Variants in IGSF21 observed in about 807,000 individuals in gnomAD.
IGSF21 encodes the protein immunoglobulin superfamily member 21.
A neutral mutation model predicts 46.8 loss-of-function variants in IGSF21; 28 were observed. The ratio of observed to expected loss-of-function variants is 0.60; its 90% confidence interval spans 0.44 to 0.82. The LOEUF is 0.82. IGSF21 is among the 40% of genes least tolerant of loss of function. The pLI, the probability that IGSF21 is intolerant of heterozygous loss-of-function variation, is 0.00. For synonymous variants in IGSF21, 284 were observed against 273.6 expected, an observed-to-expected ratio of 1.04 and a Z score of -0.38; for missense variants, 624 against 665.5, an observed-to-expected ratio of 0.94 and a Z score of 0.69.
chr1:18,320,076 C>G (rs2085586031), intron 3 of IGSF21, among the ~76,000 whole-genome samples: 1 of 152,198 alleles, frequency 6.6e-6, no homozygotes, highest in African/African-American at 2.4e-5. Context: ...GGGTACTGTG[C>G]TCAGTGTGAG....
At chr1:18,347,343 T>A (rs183328830) in intron 4 of IGSF21, among the ~76,000 whole-genome samples, 3 of 152,292 alleles carry the variant, frequency 2.0e-5, no homozygotes, top group Admixed American at 1.3e-4. Context: ...ACATGCCCAC[T>A]GTCCCACAGC....
chr1:18,253,925 G>A (rs1358880985), intron 2 of IGSF21, among the ~76,000 whole-genome samples: 1 of 152,188 alleles, frequency 6.6e-6, no homozygotes, highest in Non-Finnish European at 1.5e-5. Flanking sequence ...AAGAAAGTGG[G>A]GGCTTCTCAG....
At chr1:18,328,853 C>T (rs994249112) in intron 3 of IGSF21, among the ~76,000 whole-genome samples, 1 of 152,100 alleles carries the variant, frequency 6.6e-6, no homozygotes, top group South Asian at 2.1e-4. Context: ...AAGGCAAAAC[C>T]AGGAAAGGAA....
intron 1 of IGSF21, among the ~76,000 whole-genome samples, chr1:18,208,987 C>T (rs1297063582): frequency 6.6e-6 from 1 of 152,006 alleles, no homozygotes; most frequent in East Asian, 1.9e-4. Context: ...TATGGAGAAG[C>T]CAGCATAGAA....
chr1:18,369,436 A>C (rs1224898222), intron 6 of IGSF21, among the ~76,000 whole-genome samples: 1 of 152,180 alleles, frequency 6.6e-6, no homozygotes, highest in Non-Finnish European at 1.5e-5. Flanking sequence ...TCAGGTTTAG[A>C]GTAACCTTTC....
intron 4 of IGSF21, among the ~76,000 whole-genome samples, chr1:18,350,074 G>A (rs2085936009): frequency 6.6e-6 from 1 of 152,144 alleles, no homozygotes; most frequent in South Asian, 2.1e-4. Flanking sequence ...AGGAAGCAGT[G>A]GGTGGTGAGG....
intron 1 of IGSF21, among the ~76,000 whole-genome samples, chr1:18,122,269 G>A (rs1459093926): frequency 2.1e-5 from 3 of 141,672 alleles, no homozygotes; most frequent in South Asian, 4.4e-4. Flanking sequence ...GTGCAATCTC[G>A]GCTCACTGCA....
chr1:18,362,260 C>T, intron 5 of IGSF21, 30 bp downstream of exon 5: 1 of 1,504,918 alleles, frequency 6.6e-7, no homozygotes. Context: ...CCAGCTCCTT[C>T]CTATCTGCCG....
chr1:18,304,716 CACACACACACACAT>C (rs1294735748), intron 3 of IGSF21, among the ~76,000 whole-genome samples: 1 of 118,562 alleles, frequency 8.4e-6, no homozygotes, highest in African/African-American at 3.0e-5. Context: ...CATACACACA[CACACACACACACAT>C]ACACACACAC....
chr1:18,321,974 A>G (rs2085606722), intron 3 of IGSF21, among the ~76,000 whole-genome samples: 1 of 152,200 alleles, frequency 6.6e-6, no homozygotes, highest in Admixed American at 6.5e-5. Context: ...TGTGAAATTG[A>G]GTTTTACAGA....
At chr1:18,170,494 T>C (rs2086726185) in intron 1 of IGSF21, among the ~76,000 whole-genome samples, 1 of 151,596 alleles carries the variant, frequency 6.6e-6, no homozygotes, top group Non-Finnish European at 1.5e-5. Flanking sequence ...ATGCCTAATA[T>C]GTATTAAATG....
At chr1:18,132,765 A>G (rs1291984398) in intron 1 of IGSF21, among the ~76,000 whole-genome samples, 1 of 152,098 alleles carries the variant, frequency 6.6e-6, no homozygotes, top group Admixed American at 6.5e-5. Flanking sequence ...GCTGGGTTTA[A>G]CAGGGTCTGC....
At chr1:18,117,914 C>A (rs1232469544) in intron 1 of IGSF21, among the ~76,000 whole-genome samples, 4 of 152,188 alleles carry the variant, frequency 2.6e-5, no homozygotes, top group African/African-American at 9.6e-5. Flanking sequence ...ATGCACTGAG[C>A]ATGATGTGGG....
intron 1 of IGSF21, among the ~76,000 whole-genome samples, chr1:18,122,728 C>T (rs551879111): frequency 6.7e-6 from 1 of 149,494 alleles, no homozygotes; most frequent in South Asian, 2.2e-4. Flanking sequence ...TTAAGCAATT[C>T]TCCTGCTTCA....
chr1:18,199,055 C>A (rs1205601322), intron 1 of IGSF21, among the ~76,000 whole-genome samples: 3 of 152,088 alleles, frequency 2.0e-5, no homozygotes, highest in Non-Finnish European at 4.4e-5. Flanking sequence ...GACTGGGGTG[C>A]TTTGGTGCCC....
At chr1:18,366,664 C>T (rs1040194664) in intron 6 of IGSF21, among the ~76,000 whole-genome samples, 1 of 152,124 alleles carries the variant, frequency 6.6e-6, no homozygotes, top group African/African-American at 2.4e-5. Context: ...AAGGATATCA[C>T]TCCGGCTTAC....
chr1:18,340,924 T>G (rs2085826475), intron 4 of IGSF21, among the ~76,000 whole-genome samples: 1 of 151,992 alleles, frequency 6.6e-6, no homozygotes, highest in Admixed American at 6.6e-5. Flanking sequence ...TCCTTCTTTC[T>G]TCTTTCCTCC....
intron 1 of IGSF21, among the ~76,000 whole-genome samples, chr1:18,171,081 C>T (rs1254223850): frequency 6.6e-6 from 1 of 151,480 alleles, no homozygotes; most frequent in Admixed American, 6.6e-5. Flanking sequence ...GTGGAATGAG[C>T]TTGGAAGACA....
intron 1 of IGSF21, among the ~76,000 whole-genome samples, chr1:18,188,888 C>A (rs964267140): frequency 1.3e-5 from 2 of 152,228 alleles, no homozygotes; most frequent in African/African-American, 4.8e-5. Flanking sequence ...CTTTGGTTGG[C>A]CCAGCCGATG....
Sources: allele counts gnomAD v4.1 joint callset (sites outside exome capture counted in the v4.1 genomes callset), GRCh38; gene constraint gnomAD v4.1.1; transcripts MANE v1.5; gene names NCBI Gene and HGNC (gene_info 2026-07-23, HGNC 2026-07-21).